CUBN: variants seen among roughly 807,000 people sequenced by gnomAD.
The protein encoded by CUBN is cubilin.
In CUBN, 282 loss-of-function variants were observed where a neutral mutation model predicts 405.3. The observed-to-expected ratio is 0.70, with a 90% CI of 0.63 to 0.77. The LOEUF is 0.77. CUBN is among the 30% of genes least tolerant of loss of function. The probability of loss-of-function intolerance (pLI) is 0.00; values close to 1 mark genes in which losing one functional copy is unlikely to be tolerated. For synonymous variants in CUBN, 1,684 were observed against 1,617.0 expected (o/e 1.04, Z -0.99); for missense variants, 4,514 against 4,475.2 (o/e 1.01, Z -0.25).
chr10:17,074,040 C>T (rs1255785308), intron 17 of CUBN, among the ~76,000 whole-genome samples: 4 of 152,084 alleles, frequency 2.6e-5, no homozygotes, highest in South Asian at 2.1e-4. Context: ...ATATATATAC[C>T]GCCGCTGTTC....
intron 31 of CUBN, among the ~76,000 whole-genome samples, chr10:16,973,924 C>G (rs1378070978): frequency 6.6e-6 from 1 of 152,114 alleles, no homozygotes; most frequent in Admixed American, 6.5e-5. Context: ...CATGCCTTTG[C>G]TATCGTGGAC....
chr10:17,094,385 C>A (rs1011237464), intron 14 of CUBN, among the ~76,000 whole-genome samples: 2 of 152,046 alleles, frequency 1.3e-5, no homozygotes, highest in African/African-American at 2.4e-5. Flanking sequence ...CTGTCTTCAA[C>A]AGACATGCTC....
At chr10:16,964,483 ATG>A (rs1843330992) in intron 31 of CUBN, among the ~76,000 whole-genome samples, 2 of 152,280 alleles carry the variant, frequency 1.3e-5, no homozygotes, top group Middle Eastern at 3.4e-3. Flanking sequence ...ATATATTTGT[ATG>A]TGTGTGTTTG....
At chr10:16,835,671 A>G (rs1839147674) in intron 63 of CUBN, among the ~76,000 whole-genome samples, 1 of 151,430 alleles carries the variant, frequency 6.6e-6, no homozygotes, top group Non-Finnish European at 1.5e-5. Context: ...TAACCAAAGG[A>G]AGCTTTCATT....
chr10:16,869,557 TG>T lies in CUBN; in HGVS notation c.9454+78del, dbSNP rs59702069. On this transcript the variant is annotated intron_variant, in intron 59 of 66. Coordinates refer to ENST00000377833, the MANE Select transcript of CUBN (RefSeq NM_001081.4). ...AAAAGCAATCATAATCAGGTGGGGG[TG>T]GGGGGGGGGCGGGGAAATTAAATAA... 100,248 of 656,434 alleles carry T rather than the reference TG, an allele frequency of 0.15. 4,929 individuals carry two copies. Among genetic ancestry groups the T allele is most frequent in the African/African-American group, 0.35 (13,970 of 40,118 alleles). The allele number at this position is 656,434 out of a possible 1,614,324, so 40.7% of individuals were successfully genotyped here. A position where few individuals can be genotyped will look rare whatever the true frequency, so the allele number is the denominator to read the frequency against.
At chr10:17,014,022 T>G (rs12768005) in intron 28 of CUBN, among the ~76,000 whole-genome samples, 60,812 of 152,034 alleles carry the variant, frequency 0.4, 12,437 homozygotes, top group East Asian at 0.6. Flanking sequence ...CATGTACGTA[T>G]CTGAAGCACT....
At chr10:17,069,726 T>G (rs1835694976) in intron 19 of CUBN, among the ~76,000 whole-genome samples, 1 of 152,126 alleles carries the variant, frequency 6.6e-6, no homozygotes, top group African/African-American at 2.4e-5. Context: ...AAATTTTTTG[T>G]AGAGATGGGG....
chr10:17,039,204 C>T (rs557644991), intron 27 of CUBN, among the ~76,000 whole-genome samples: 6 of 152,170 alleles, frequency 3.9e-5, no homozygotes, highest in South Asian at 2.1e-4. Context: ...ATACGTGCAA[C>T]GCTCGGCAAG....
chr10:16,882,326 C>T (rs1435884824), intron 56 of CUBN, among the ~76,000 whole-genome samples: 1 of 152,222 alleles, frequency 6.6e-6, no homozygotes, highest in African/African-American at 2.4e-5. Context: ...AATCTCTGAG[C>T]TGCAAAACGA....
chr10:16,917,329 T>A (rs1189342014), intron 45 of CUBN, among the ~76,000 whole-genome samples: 2 of 152,276 alleles, frequency 1.3e-5, no homozygotes, highest in African/African-American at 4.8e-5. Context: ...GCCTAAAGCC[T>A]CAGATAGTAC....
Position 16,919,969 on chromosome 10 carries a change from G to T in CUBN, c.6815C>A (p.Thr2272Lys). 1.2e-6 allele frequency: 2 copies of T among 1,612,932 alleles called. No individual in the cohort carries two copies. Among genetic ancestry groups the T allele is most frequent in the East Asian group, 4.5e-5 (2 of 44,862 alleles). ...QFEDRFDIEVTPNCTSNYLEL... is the reference protein window; with the variant it reads ...QFEDRFDIEVKPNCTSNYLEL... ...GAAAATGGAAGTGACATACTTGGGT[G>T]TTACTTCAATATCGAATCGATCTTC... Residue 2272 changes from threonine (T) to lysine (K), a missense_variant, in exon 44 of 67, where the codon ACA becomes AAA. By Grantham distance (78) the Thr-to-Lys change is moderately conservative. Coordinates refer to ENST00000377833, the MANE Select transcript of CUBN (RefSeq NM_001081.4).
chr10:16,850,316 A>G (rs1839648622), intron 60 of CUBN, among the ~76,000 whole-genome samples: 1 of 152,174 alleles, frequency 6.6e-6, no homozygotes, highest in Non-Finnish European at 1.5e-5. Flanking sequence ...AAATCTTGCC[A>G]TACTTTTTAT....
At chr10:16,865,852 G>A (rs770219831) in intron 59 of CUBN, among the ~76,000 whole-genome samples, 7 of 152,000 alleles carry the variant, frequency 4.6e-5, no homozygotes, top group Non-Finnish European at 7.4e-5. Flanking sequence ...CCCTGCTACC[G>A]CTCACTCTTT....
intron 39 of CUBN, among the ~76,000 whole-genome samples, chr10:16,936,434 C>A (rs1015940362): frequency 2.6e-4 from 40 of 152,158 alleles, no homozygotes; most frequent in African/African-American, 8.9e-4. Context: ...GAGGTAGGAA[C>A]AACATTTCAG....
At chr10:17,087,466 C>CTTTTTTTTTTTTTTTTTTTTTTT (rs879308596) in intron 15 of CUBN, among the ~76,000 whole-genome samples, 9 of 79,782 alleles carry the variant, frequency 1.1e-4, no homozygotes, top group South Asian at 4.4e-4. Flanking sequence ...TATTATTTTT[C>CTTTTTTTTTTTTTTTTTTTTTTT]TTTTTCTTTT....
At chr10:17,129,565 T>C in intron 1 of CUBN, 79 bp downstream of exon 1, 1 of 1,594,002 alleles carries the variant, frequency 6.3e-7, no homozygotes, top group South Asian at 1.1e-5. Flanking sequence ...AATTGCACCT[T>C]TGTTTATCTG....
At chr10:17,100,301 C>T in intron 13 of CUBN, 62 bp from the exon 14 acceptor site, 1 of 1,141,708 alleles carries the variant, frequency 8.8e-7, no homozygotes, top group Admixed American at 1.8e-5. Context: ...AAGTATTTCT[C>T]CCACTTCCTA....
intron 4 of CUBN, among the ~76,000 whole-genome samples, chr10:17,125,116 G>C (rs1317363895): frequency 2.0e-5 from 3 of 152,122 alleles, no homozygotes; most frequent in Non-Finnish European, 2.9e-5. Context: ...ACAGGCGTGA[G>C]CCACCGTACC....
chr10:16,949,095 A>G (rs965584870), intron 34 of CUBN, among the ~76,000 whole-genome samples: 1 of 152,214 alleles, frequency 6.6e-6, no homozygotes, highest in Non-Finnish European at 1.5e-5. Context: ...TATTGAAAAT[A>G]ATGAAACCTA....
Sources: gnomAD v4.1 joint callset for allele counts (sites outside exome capture counted in the v4.1 genomes callset) on GRCh38, gnomAD v4.1.1 for gene constraint, MANE v1.5 for transcripts, NCBI Gene and HGNC (gene_info 2026-07-23, HGNC 2026-07-21) for gene names.